TBC1D19: variants seen among roughly 807,000 people sequenced by gnomAD.
TBC1D19 encodes TBC1 domain family member 19, also known as TBC1 domain family, member 19.
In TBC1D19, 60 loss-of-function variants were observed where a neutral mutation model predicts 89.0. That is an observed-to-expected ratio of 0.67 (90% CI 0.55 to 0.84). The LOEUF (loss-of-function observed/expected upper bound fraction) is 0.84, where lower values mean the gene tolerates loss of function less well. TBC1D19 is among the 40% of genes least tolerant of loss of function. The pLI, the probability that TBC1D19 is intolerant of heterozygous loss-of-function variation, is 0.00. For missense variants in TBC1D19, 500 were observed against 610.8 expected, an observed-to-expected ratio of 0.82 and a Z score of 1.91; for synonymous variants, 189 against 199.7, an observed-to-expected ratio of 0.95 and a Z score of 0.45.
rs151247511 is a variant in TBC1D19, at chr4:26,617,343, A to G, written c.218+2890A>G. On this transcript the variant is annotated intron_variant, in intron 3 of 20. Coordinates refer to ENST00000264866, the MANE Select transcript of TBC1D19 (RefSeq NM_018317.4). ...TTAACATGAGTTTTGGAAAGGACAA[A>G]CATTCAAACCATGGCAGAAACTTAA... Among the ~76,000 whole-genome samples, 823 of 152,354 alleles carry G rather than the reference A, an allele frequency of 5.4e-3. 7 individuals carry two copies. Among genetic ancestry groups the G allele is most frequent in the African/African-American group, 0.019 (801 of 41,584 alleles).
chr4:26,813,792 G>A, the TBC1D19 span, among the ~76,000 whole-genome samples: 1 of 152,186 alleles, frequency 6.6e-6, no homozygotes, highest in Non-Finnish European at 1.5e-5. Context: ...GCCCAGGGAG[G>A]CAGCCCATGA....
chr4:26,647,074 A>C (rs1744021418), intron 7 of TBC1D19, among the ~76,000 whole-genome samples: 2 of 152,220 alleles, frequency 1.3e-5, no homozygotes, highest in African/African-American at 4.8e-5. Context: ...TGTCTGAACT[A>C]AGACAACAAC....
chr4:26,636,488 T>TAAAAAAAAAAA (rs71643685), intron 4 of TBC1D19, among the ~76,000 whole-genome samples: 5 of 130,992 alleles, frequency 3.8e-5, no homozygotes, highest in Non-Finnish European at 3.2e-5. Flanking sequence ...GTCAGTATCA[T>TAAAAAAAAAAA]AAAAAAAAAA....
At chr4:26,623,917 T>C (rs1742227134) in intron 4 of TBC1D19, among the ~76,000 whole-genome samples, 1 of 152,162 alleles carries the variant, frequency 6.6e-6, no homozygotes, top group Non-Finnish European at 1.5e-5. Context: ...CCTTATGTAC[T>C]CTCAATACTA....
chr4:26,845,296 G>C, the TBC1D19 span, among the ~76,000 whole-genome samples: 1 of 152,070 alleles, frequency 6.6e-6, no homozygotes, highest in Admixed American at 6.6e-5. Flanking sequence ...ATTTCTACAA[G>C]AGTCATTTCA....
At chr4:26,698,508 A>T (rs900588799) in intron 13 of TBC1D19, among the ~76,000 whole-genome samples, 1 of 152,176 alleles carries the variant, frequency 6.6e-6, no homozygotes, top group Non-Finnish European at 1.5e-5. Flanking sequence ...ATTGGAAAAA[A>T]CTACTTTAAA....
chr4:26,818,332 A>T, the TBC1D19 span, among the ~76,000 whole-genome samples: 1 of 152,018 alleles, frequency 6.6e-6, no homozygotes, highest in Non-Finnish European at 1.5e-5. Flanking sequence ...GGCTCAAATG[A>T]TTCTCCTTCC....
intron 16 of TBC1D19, among the ~76,000 whole-genome samples, chr4:26,739,498 C>T (rs4588446): frequency 0.38 from 57,070 of 151,742 alleles, 11,716 homozygotes; most frequent in Non-Finnish European, 0.47. Flanking sequence ...TAAAAATAAG[C>T]TGCCTGGTTG....
Position 26,596,083 on chromosome 4 carries a change from A to C in TBC1D19, c.99+11791A>C, listed in dbSNP as rs531821111. 3.1e-4 allele frequency among the ~76,000 whole-genome samples: 47 copies of C among 152,098 alleles called. 1 individual carries two copies. The highest frequency in any genetic ancestry group is 2.6e-3 in the Admixed American group (40 of 15,270). On this transcript the variant is annotated intron_variant, in intron 1 of 20. Coordinates refer to ENST00000264866, the MANE Select transcript of TBC1D19 (RefSeq NM_018317.4). ...GCGATTCTCCTGCCTCAGCCTCTAG[A>C]GTAGCTGGGATTACAGGTGCGTGCT...
the TBC1D19 span, among the ~76,000 whole-genome samples, chr4:26,849,201 AACAC>A: frequency 0.094 from 13,989 of 149,104 alleles, 983 homozygotes; most frequent in African/African-American, 0.2. Flanking sequence ...CACACACACA[AACAC>A]ACACACACAC....
intron 13 of TBC1D19, among the ~76,000 whole-genome samples, chr4:26,690,007 A>G (rs1026634541): frequency 2.6e-5 from 4 of 152,310 alleles, no homozygotes; most frequent in Non-Finnish European, 4.4e-5. Context: ...TGCAAACGAA[A>G]AGTTTTTGAA....
At chr4:26,688,753 T>C (rs10015831) in intron 13 of TBC1D19, among the ~76,000 whole-genome samples, 2 of 152,226 alleles carry the variant, frequency 1.3e-5, no homozygotes, top group African/African-American at 4.8e-5. Flanking sequence ...TGCATTATAC[T>C]TTTAAAATTA....
chr4:26,653,107 G>A (rs1240895543), intron 7 of TBC1D19, among the ~76,000 whole-genome samples: 1 of 152,084 alleles, frequency 6.6e-6, no homozygotes, highest in African/African-American at 2.4e-5. Flanking sequence ...CTTTATTTCT[G>A]CCTTCATTTC....
chr4:26,781,887 A>G, the TBC1D19 span, among the ~76,000 whole-genome samples: 1 of 151,990 alleles, frequency 6.6e-6, no homozygotes, highest in East Asian at 1.9e-4. Flanking sequence ...ATTTTCTCTT[A>G]AGGCAGAACA....
At chr4:26,658,801 A>G (rs1314601569) in intron 7 of TBC1D19, among the ~76,000 whole-genome samples, 1 of 152,144 alleles carries the variant, frequency 6.6e-6, no homozygotes, top group African/African-American at 2.4e-5. Context: ...GGTTCTTCAC[A>G]TCCCTTGTAA....
chr4:26,808,552 C>T, the TBC1D19 span, among the ~76,000 whole-genome samples: 1 of 151,766 alleles, frequency 6.6e-6, no homozygotes, highest in Non-Finnish European at 1.5e-5. Flanking sequence ...CAGGGTGAAA[C>T]CCCTTCTCTA....
chr4:26,702,396 A>T (rs1218615980), intron 13 of TBC1D19: 1 of 152,326 alleles, frequency 6.6e-6, no homozygotes, highest in Non-Finnish European at 1.5e-5. Context: ...AAAAATACTG[A>T]TTCTTATACT....
intron 13 of TBC1D19, among the ~76,000 whole-genome samples, chr4:26,703,956 G>A (rs1434774414): frequency 1.2e-3 from 49 of 42,314 alleles, no homozygotes; most frequent in South Asian, 5.8e-3. Context: ...GTGAGACTCC[G>A]TCTCAAAAAA....
intron 1 of TBC1D19, among the ~76,000 whole-genome samples, chr4:26,609,798 G>T (rs1229534071): frequency 6.6e-6 from 1 of 151,972 alleles, no homozygotes; most frequent in African/African-American, 2.4e-5. Context: ...GGGAAAAATT[G>T]GTTCATTCAT....
Sources: gnomAD v4.1 joint callset for allele counts (sites outside exome capture counted in the v4.1 genomes callset) on GRCh38, gnomAD v4.1.1 for gene constraint, MANE v1.5 for transcripts, NCBI Gene and HGNC (gene_info 2026-07-23, HGNC 2026-07-21) for gene names.